ARB2A: variants seen among roughly 807,000 people sequenced by gnomAD.
The protein encoded by ARB2A is cotranscriptional regulator ARB2A.
chr5:93,664,753 T>C, the ARB2A span, among the ~76,000 whole-genome samples: 2 of 152,028 alleles, frequency 1.3e-5, no homozygotes, highest in African/African-American at 4.8e-5. Context: ...AGCTCTACAC[T>C]TACGACAGAT....
chr5:93,916,804 T>A, the ARB2A span, among the ~76,000 whole-genome samples: 1 of 152,122 alleles, frequency 6.6e-6, no homozygotes. Context: ...AAAGGAACAT[T>A]AAATTCAAGG....
the ARB2A span, among the ~76,000 whole-genome samples, chr5:93,990,620 T>TAAAAAA: frequency 1.3e-3 from 96 of 75,234 alleles, 2 homozygotes; most frequent in African/African-American, 5.2e-3. Context: ...CTACCATGAG[T>TAAAAAA]AAAAAAAAAA....
chr5:93,963,452 A>T, the ARB2A span, among the ~76,000 whole-genome samples: 32 of 152,000 alleles, frequency 2.1e-4, no homozygotes, highest in Non-Finnish European at 4.3e-4. Flanking sequence ...TGAATAAATG[A>T]ATAATGAGTG....
chr5:93,872,964 A>T, the ARB2A span, among the ~76,000 whole-genome samples: 15 of 152,040 alleles, frequency 9.9e-5, no homozygotes, highest in Non-Finnish European at 1.9e-4. Flanking sequence ...TGAGCTTCCA[A>T]CACAATGTAC....
the ARB2A span, chr5:93,910,861 A>G: frequency 6.6e-6 from 1 of 151,580 alleles, no homozygotes; most frequent in Non-Finnish European, 1.5e-5. Context: ...TGACAGGGGA[A>G]AAAATTCTAA....
At chr5:93,942,618 T>C in the ARB2A span, among the ~76,000 whole-genome samples, 1 of 151,824 alleles carries the variant, frequency 6.6e-6, no homozygotes, top group Non-Finnish European at 1.5e-5. Context: ...TTAGAAATAG[T>C]TAAGTCAATA....
the ARB2A span, among the ~76,000 whole-genome samples, chr5:93,726,628 G>A: frequency 6.6e-6 from 1 of 152,010 alleles, no homozygotes; most frequent in Non-Finnish European, 1.5e-5. Context: ...CCCAGAAGTA[G>A]ATCTACATCT....
the ARB2A span, among the ~76,000 whole-genome samples, chr5:93,956,304 GTCC>G: frequency 7.9e-5 from 12 of 152,130 alleles, no homozygotes; most frequent in Non-Finnish European, 1.8e-4. Context: ...TATTCACCAT[GTCC>G]TCCTTTCAAC....
the ARB2A span, among the ~76,000 whole-genome samples, chr5:93,819,763 G>T: frequency 2.7e-3 from 404 of 152,322 alleles, 4 homozygotes; most frequent in Non-Finnish European, 3.7e-3. Flanking sequence ...AAAAAAATCT[G>T]CTGAGAGTAG....
At chr5:93,735,615 T>A in the ARB2A span, 1 of 152,252 alleles carries the variant, frequency 6.6e-6, no homozygotes, top group African/African-American at 2.4e-5. Context: ...CCAGAAGGGC[T>A]GTCTAGGAAA....
At chr5:93,637,253 GTTTGTTTC>G in the ARB2A span, among the ~76,000 whole-genome samples, 3 of 151,228 alleles carry the variant, frequency 2.0e-5, no homozygotes, top group Non-Finnish European at 2.9e-5. Flanking sequence ...TGTGTCAACA[GTTTGTTTC>G]TTTTTATTTT....
At chr5:94,032,122 G>C in the ARB2A span, among the ~76,000 whole-genome samples, 1 of 152,194 alleles carries the variant, frequency 6.6e-6, no homozygotes, top group African/African-American at 2.4e-5. Flanking sequence ...TGGAGTGACA[G>C]GTACAAAGCT....
the ARB2A span, among the ~76,000 whole-genome samples, chr5:93,979,202 A>C: frequency 2.0e-5 from 3 of 152,136 alleles, no homozygotes; most frequent in Non-Finnish European, 4.4e-5. Flanking sequence ...TTTCATCTCT[A>C]AACAGACCAA....
chr5:93,683,506 T>C, the ARB2A span: 18 of 1,570,834 alleles, frequency 1.1e-5, no homozygotes, highest in Non-Finnish European at 1.5e-5. Flanking sequence ...TTACTTTAAT[T>C]GGACTGCCTT....
At chr5:93,893,940 T>C in the ARB2A span, among the ~76,000 whole-genome samples, 2 of 152,150 alleles carry the variant, frequency 1.3e-5, no homozygotes, top group Non-Finnish European at 2.9e-5. Context: ...AGAGCTATTC[T>C]CCAAGACTCT....
the ARB2A span, among the ~76,000 whole-genome samples, chr5:93,774,183 C>T: frequency 1.3e-5 from 2 of 152,188 alleles, no homozygotes; most frequent in Non-Finnish European, 2.9e-5. Context: ...ACTGCACCAC[C>T]AACTGAGCAG....
At chr5:93,872,566 A>G in the ARB2A span, among the ~76,000 whole-genome samples, 1 of 152,160 alleles carries the variant, frequency 6.6e-6, no homozygotes, top group African/African-American at 2.4e-5. Context: ...ACTGATTTCT[A>G]TTTCTTCATT....
At chr5:93,849,306 A>G in the ARB2A span, among the ~76,000 whole-genome samples, 1 of 152,232 alleles carries the variant, frequency 6.6e-6, no homozygotes, top group African/African-American at 2.4e-5. Context: ...ATTTTAAAAC[A>G]AAATTATTCC....
chr5:93,789,631 A>G, the ARB2A span, among the ~76,000 whole-genome samples: 1 of 152,120 alleles, frequency 6.6e-6, no homozygotes, highest in Non-Finnish European at 1.5e-5. Context: ...CATATTCTCC[A>G]TTTCATGGTA....
Sources: gnomAD v4.1 joint callset for allele counts (sites outside exome capture counted in the v4.1 genomes callset) on GRCh38, gnomAD v4.1.1 for gene constraint, MANE v1.5 for transcripts, NCBI Gene and HGNC (gene_info 2026-07-23, HGNC 2026-07-21) for gene names.